NTSR1: variants seen among roughly 807,000 people sequenced by gnomAD.
NTSR1 encodes neurotensin receptor 1.
Under a neutral mutation model 31.2 loss-of-function variants are expected in NTSR1, and 29 were observed. The ratio of observed to expected loss-of-function variants is 0.93; its 90% CI spans 0.69 to 1.27. The LOEUF (loss-of-function observed/expected upper bound fraction) is 1.27, where lower values mean the gene tolerates loss of function less well. NTSR1 is among the 50% of genes most tolerant of loss of function. The pLI, the probability that NTSR1 is intolerant of heterozygous loss-of-function variation, is 0.00. For missense variants in NTSR1, 697 were observed against 595.4 expected, an observed-to-expected ratio of 1.17 and a Z score of -1.78; for synonymous variants, 282 against 269.9, an observed-to-expected ratio of 1.04 and a Z score of -0.44.
At chr20:62,712,858 C>A (rs188103309) in intron 1 of NTSR1, among the ~76,000 whole-genome samples, 1 of 152,184 alleles carries the variant, frequency 6.6e-6, no homozygotes, top group Non-Finnish European at 1.5e-5. Flanking sequence ...CAGTGGCACA[C>A]GATCTGTGTG....
At chr20:62,720,111 C>A (rs1015132207) in intron 1 of NTSR1, among the ~76,000 whole-genome samples, 6 of 152,270 alleles carry the variant, frequency 3.9e-5, no homozygotes, top group African/African-American at 1.2e-4. Context: ...ACCAGCCTGG[C>A]CAACAGGATG....
rs753926102 is a variant in NTSR1, at chr20:62,709,851, ACGGCCAGCACGCCGG to A, written c.650_664del (p.Gln217_Gly221del). The A allele has an allele frequency of 1.9e-6, 3 of 1,608,594 alleles. No individual in the cohort carries two copies. The highest frequency in any genetic ancestry group is 3.3e-5 in the Admixed American group (2 of 59,866). On this transcript the variant is annotated inframe_deletion, in exon 1 of 4. Transcript: ENST00000370501. ...ATGGGCGAGCAGAACCGCAGCGCCG[ACGGCCAGCACGCCGG>A]CGGCCTGGTGTGCACCCCCACCATC...
chr20:62,739,739 G>T (rs1310754199), intron 1 of NTSR1, among the ~76,000 whole-genome samples: 4 of 152,268 alleles, frequency 2.6e-5, no homozygotes, highest in African/African-American at 4.8e-5. Flanking sequence ...GCCACTAGGC[G>T]CTGGGAGGGG....
chr20:62,723,058 A>AT (rs1206155620), intron 1 of NTSR1, among the ~76,000 whole-genome samples: 6 of 152,230 alleles, frequency 3.9e-5, no homozygotes, highest in African/African-American at 1.4e-4. Flanking sequence ...GGACTTAAAC[A>AT]TTTTTAGCCT....
chr20:62,727,183 G>A (rs1325691176), intron 1 of NTSR1, among the ~76,000 whole-genome samples: 5 of 152,190 alleles, frequency 3.3e-5, no homozygotes, highest in Admixed American at 6.5e-5. Context: ...ACAGGAGCCC[G>A]TGAGGGCTCC....
intron 1 of NTSR1, among the ~76,000 whole-genome samples, chr20:62,727,787 C>G (rs1037082486): frequency 6.6e-6 from 1 of 152,280 alleles, no homozygotes; most frequent in African/African-American, 2.4e-5. Flanking sequence ...ACAGCAGCGG[C>G]CACCAGGGCC....
intron 1 of NTSR1, among the ~76,000 whole-genome samples, chr20:62,753,994 C>A (rs546439533): frequency 1.3e-5 from 2 of 152,346 alleles, no homozygotes; most frequent in South Asian, 4.1e-4. Flanking sequence ...CACAGCCCCC[C>A]TTGCGCTGGA....
At chr20:62,746,116 CA>C (rs1989295898) in intron 1 of NTSR1, among the ~76,000 whole-genome samples, 2 of 152,166 alleles carry the variant, frequency 1.3e-5, no homozygotes, top group South Asian at 2.1e-4. Context: ...AGGGGTCAGC[CA>C]GGGGGAAGGT....
intron 1 of NTSR1, among the ~76,000 whole-genome samples, chr20:62,751,113 G>C (rs949247347): frequency 2.4e-4 from 36 of 152,116 alleles, no homozygotes; most frequent in African/African-American, 8.5e-4. Flanking sequence ...CTGGCCTCAA[G>C]GGATCTTCCT....
chr20:62,728,108 T>TG (rs11480638), intron 1 of NTSR1, among the ~76,000 whole-genome samples: 86,633 of 151,980 alleles, frequency 0.57, 25,345 homozygotes, highest in East Asian at 0.76. Context: ...GGACGAGCCT[T>TG]GTGGATGAGG....
chr20:62,750,917 C>T (rs1250009094), intron 1 of NTSR1, among the ~76,000 whole-genome samples: 1 of 152,024 alleles, frequency 6.6e-6, no homozygotes, highest in African/African-American at 2.4e-5. Flanking sequence ...ACTCTGTTGC[C>T]CAGGCTGGAG....
In NTSR1 at chr20:62,758,301, C is replaced by G. The variant is rs147842055; in HGVS notation, c.952C>G (p.Pro318Ala). The G allele has an allele frequency of 1.9e-6, 3 of 1,613,756 alleles. No individual in the cohort carries two copies. The highest frequency in any genetic ancestry group is 1.7e-6 in the Non-Finnish European group (2 of 1,179,976). The change falls in exon 3 of 4, where the codon CCC becomes GCC. Residue 318 changes from proline (P) to alanine (A), a missense_variant. Coordinates refer to ENST00000370501, the MANE Select transcript of NTSR1 (RefSeq NM_002531.3). This position sits in a 1 kb window ranked among gnomAD's most constrained non-coding sequence, Gnocchi z 4.5. ...CATCGCCTTTGTGGTCTGCTGGCTG[C>G]CCTACCACGTGCGGCGCCTCATGTT... is the stretch of plus-strand genomic sequence containing the variant. ...VVIAFVVCWL[P>A]YHVRRLMFCY...
chr20:62,747,196 T>C (rs1388405038), intron 1 of NTSR1, among the ~76,000 whole-genome samples: 1 of 152,264 alleles, frequency 6.6e-6, no homozygotes, highest in Non-Finnish European at 1.5e-5. Flanking sequence ...CAGCATCCTT[T>C]CATGATAAAA....
chr20:62,756,598 C>G (rs1600738275), intron 2 of NTSR1: 1 of 152,398 alleles, frequency 6.6e-6, no homozygotes, highest in East Asian at 1.9e-4. Context: ...GCTCAGCCTT[C>G]CCTGCTCATG....
At chr20:62,713,768 C>T (rs1988662063) in intron 1 of NTSR1, among the ~76,000 whole-genome samples, 1 of 152,210 alleles carries the variant, frequency 6.6e-6, no homozygotes, top group South Asian at 2.1e-4. Context: ...GGGCATTCTT[C>T]CTGCAACTGT....
chr20:62,718,682 T>A (rs950699264), intron 1 of NTSR1, among the ~76,000 whole-genome samples: 1 of 152,202 alleles, frequency 6.6e-6, no homozygotes, highest in African/African-American at 2.4e-5. Flanking sequence ...CTCTGAGCTG[T>A]TGCCTGCATT....
At chr20:62,734,034 G>C (rs762876767) in intron 1 of NTSR1, among the ~76,000 whole-genome samples, 98 of 152,318 alleles carry the variant, frequency 6.4e-4, no homozygotes, top group Admixed American at 2.4e-3. Flanking sequence ...CCTGAGGCTG[G>C]GGGAAGCCAC....
intron 1 of NTSR1, among the ~76,000 whole-genome samples, chr20:62,716,479 T>C (rs1217824442): frequency 1.2e-5 from 1 of 82,278 alleles, no homozygotes; most frequent in African/African-American, 3.1e-5. Context: ...TGTATCTTCG[T>C]TGTGGATCAT....
Position 62,709,847 on chromosome 20 carries a change from G to C in NTSR1, c.640G>C (p.Ala214Pro), listed in dbSNP as rs569871621. ...CACCATGGGCGAGCAGAACCGCAGC[G>C]CCGACGGCCAGCACGCCGGCGGCCT... The part of the protein sequence containing the change: ...LFTMGEQNRS[A>P]DGQHAGGLVC... Residue 214 changes from alanine to proline, a missense_variant, in exon 1 of 4, where the codon GCC (alanine) becomes CCC (proline). Transcript: ENST00000370501. The C allele has an allele frequency of 1.9e-6, 3 of 1,609,350 alleles. No individual in the cohort carries two copies. Among genetic ancestry groups the C allele is most frequent in the East Asian group, 2.2e-5 (1 of 44,726 alleles).
Sources: allele counts gnomAD v4.1 joint callset (sites outside exome capture counted in the v4.1 genomes callset), GRCh38; gene constraint gnomAD v4.1.1; non-coding constraint Gnocchi (gnomAD v3.1); transcripts MANE v1.5; gene names NCBI Gene and HGNC (gene_info 2026-07-23, HGNC 2026-07-21).